Variants in ATRNL1 observed in about 807,000 individuals in gnomAD.
The protein encoded by ATRNL1 is attractin-like protein 1.
In ATRNL1, 95 loss-of-function variants were observed where a neutral mutation model predicts 182.7. The ratio of observed to expected loss-of-function variants is 0.52; its 90% confidence interval spans 0.44 to 0.62. The LOEUF (loss-of-function observed/expected upper bound fraction) is 0.62, where lower values mean the gene tolerates loss of function less well. Ranked by LOEUF, ATRNL1 falls within the 20% of genes least tolerant of loss-of-function variation. The pLI is 0.00. For synonymous variants in ATRNL1, 576 were observed against 568.3 expected (o/e 1.01, Z -0.19); for missense variants, 1,471 against 1,679.5 (o/e 0.88, Z 2.17).
In ATRNL1 at chr10:115,512,268, C is replaced by T. The variant is rs548933157; in HGVS notation, c.3655-6995C>T. On this transcript the variant is annotated intron_variant, in intron 24 of 28. Transcript: ENST00000355044. ...AAATACAAATTTAGAATATTGTTGCCGTTATTGTCTCACTGTTTTTTAAAA... is the reference window on the plus strand; with the variant it reads ...AAATACAAATTTAGAATATTGTTGCTGTTATTGTCTCACTGTTTTTTAAAA... Among the ~76,000 whole-genome samples the T allele has an allele frequency of 6.8e-4, 104 of 151,866 alleles. 1 individual carries two copies. The highest frequency in any genetic ancestry group is 1.7e-3 in the Admixed American group (26 of 15,230).
chr10:115,451,802 C>T lies in ATRNL1; in HGVS notation c.3323-10139C>T, dbSNP rs187934606. On this transcript the variant is annotated intron_variant, in intron 21 of 28. Coordinates refer to ENST00000355044, the MANE Select transcript of ATRNL1 (RefSeq NM_207303.4). ...TATAAATCATTCTACCATAAAGACACGTGCACACAAATGTCCACTGCAGCA... is the reference window on the plus strand; with the variant it reads ...TATAAATCATTCTACCATAAAGACATGTGCACACAAATGTCCACTGCAGCA... 2.2e-3 allele frequency among the ~76,000 whole-genome samples: 336 copies of T among 152,154 alleles called. 1 individual carries two copies. The highest frequency in any genetic ancestry group is 7.6e-3 in the African/African-American group (317 of 41,518).
intron 20 of ATRNL1, among the ~76,000 whole-genome samples, chr10:115,412,947 G>C (rs1380857818): frequency 6.6e-6 from 1 of 152,044 alleles, no homozygotes; most frequent in Non-Finnish European, 1.5e-5. Flanking sequence ...TTCTTTGGGG[G>C]ATCTACAATG....
At chr10:115,832,161 C>T (rs574967449) in intron 27 of ATRNL1, among the ~76,000 whole-genome samples, 1 of 152,152 alleles carries the variant, frequency 6.6e-6, no homozygotes, top group Non-Finnish European at 1.5e-5. Flanking sequence ...TGTTTAGTTT[C>T]TGTAGAAAGG....
intron 27 of ATRNL1, among the ~76,000 whole-genome samples, chr10:115,835,982 G>A (rs782262062): frequency 3.3e-5 from 5 of 152,154 alleles, no homozygotes; most frequent in Non-Finnish European, 7.3e-5. Flanking sequence ...TTGTTCCTGT[G>A]GCTACTTCCC....
At chr10:115,311,370 A>G (rs1223958999) in intron 17 of ATRNL1, among the ~76,000 whole-genome samples, 1 of 151,994 alleles carries the variant, frequency 6.6e-6, no homozygotes, top group Non-Finnish European at 1.5e-5. Flanking sequence ...TTGTATTTTT[A>G]GTAGAAACCG....
intron 1 of ATRNL1, among the ~76,000 whole-genome samples, chr10:115,099,048 C>T (rs2085093688): frequency 1.3e-5 from 2 of 152,214 alleles, no homozygotes; most frequent in Non-Finnish European, 1.5e-5. Flanking sequence ...ACCAATCACG[C>T]TAGAAAGTTT....
chr10:115,938,721 C>G (rs1258411825), intron 28 of ATRNL1, among the ~76,000 whole-genome samples: 1 of 152,052 alleles, frequency 6.6e-6, no homozygotes, highest in Non-Finnish European at 1.5e-5. Context: ...GGAACTGGAG[C>G]ATATTATGTT....
chr10:115,509,904 A>G (rs1323503513), intron 24 of ATRNL1, among the ~76,000 whole-genome samples: 2 of 152,034 alleles, frequency 1.3e-5, no homozygotes, highest in Non-Finnish European at 2.9e-5. Flanking sequence ...ATTGCCTTTG[A>G]TAACATTCAT....
chr10:115,241,260 T>C (rs1850407493), intron 9 of ATRNL1, among the ~76,000 whole-genome samples: 2 of 151,902 alleles, frequency 1.3e-5, no homozygotes, highest in Admixed American at 6.5e-5. Context: ...TTTGGGCCTC[T>C]AGTTTTAAGA....
chr10:115,698,799 G>A (rs941840920), intron 26 of ATRNL1, among the ~76,000 whole-genome samples: 2 of 151,496 alleles, frequency 1.3e-5, no homozygotes, highest in East Asian at 1.9e-4. Flanking sequence ...AAGAAGAAAT[G>A]TGAGTAGACC....
chr10:115,475,298 A>G (rs1554972880), intron 24 of ATRNL1, among the ~76,000 whole-genome samples: 2 of 151,512 alleles, frequency 1.3e-5, no homozygotes, highest in African/African-American at 4.8e-5. Context: ...TTAATTATGC[A>G]TGAAATGCTG....
chr10:115,796,229 G>C (rs1320610219), intron 27 of ATRNL1, among the ~76,000 whole-genome samples: 2 of 151,746 alleles, frequency 1.3e-5, no homozygotes, highest in African/African-American at 4.8e-5. Flanking sequence ...GCCATATGCG[G>C]TTGCCTTTTC....
At chr10:115,856,080 A>G (rs1283245674) in intron 28 of ATRNL1, among the ~76,000 whole-genome samples, 3 of 152,164 alleles carry the variant, frequency 2.0e-5, no homozygotes, top group Non-Finnish European at 4.4e-5. Context: ...AGATAACCTC[A>G]CAAAAGATAA....
intron 18 of ATRNL1, among the ~76,000 whole-genome samples, chr10:115,329,477 G>C (rs1246823678): frequency 6.6e-6 from 1 of 152,052 alleles, no homozygotes; most frequent in East Asian, 1.9e-4. Context: ...TGAGAGTTGG[G>C]TGTTAACATT....
At chr10:115,341,806 C>A (rs780348607) in intron 19 of ATRNL1, among the ~76,000 whole-genome samples, 9 of 151,982 alleles carry the variant, frequency 5.9e-5, no homozygotes, top group African/African-American at 2.2e-4. Flanking sequence ...GTCTTGAAAT[C>A]TGTTTTGTTT....
At chr10:115,662,025 A>T (rs902678542) in intron 26 of ATRNL1, among the ~76,000 whole-genome samples, 1 of 150,270 alleles carries the variant, frequency 6.7e-6, no homozygotes, top group African/African-American at 2.5e-5. Flanking sequence ...GAGAACATGC[A>T]GTGTTTGGTT....
intron 20 of ATRNL1, among the ~76,000 whole-genome samples, chr10:115,421,785 A>T (rs868978126): frequency 6.6e-6 from 1 of 152,324 alleles, no homozygotes; most frequent in Middle Eastern, 3.4e-3. Context: ...ATGTTAATTG[A>T]CTTCAAACTA....
At chr10:115,212,165 C>G (rs1394950191) in intron 8 of ATRNL1, among the ~76,000 whole-genome samples, 2 of 151,804 alleles carry the variant, frequency 1.3e-5, no homozygotes, top group Non-Finnish European at 2.9e-5. Flanking sequence ...TAGTTATTCA[C>G]CCCTTGCCCC....
chr10:115,868,931 G>A (rs1232703400), intron 28 of ATRNL1, among the ~76,000 whole-genome samples: 1 of 137,310 alleles, frequency 7.3e-6, no homozygotes, highest in East Asian at 2.4e-4. Context: ...CCAGGTTCAC[G>A]CCATTCTCCT....
Sources: gnomAD v4.1 joint callset for allele counts (sites outside exome capture counted in the v4.1 genomes callset) on GRCh38, gnomAD v4.1.1 for gene constraint, MANE v1.5 for transcripts, NCBI Gene and HGNC (gene_info 2026-07-23, HGNC 2026-07-21) for gene names.